The following UBE2M variants were observed in gnomAD, a reference collection of about 807,000 sequenced individuals.
The protein encoded by UBE2M is NEDD8-conjugating enzyme Ubc12.
A neutral mutation model predicts 23.5 loss-of-function variants in UBE2M; 2 were observed. The observed-to-expected ratio is 0.09, with a 90% CI of 0.03 to 0.27. The LOEUF (loss-of-function observed/expected upper bound fraction) is 0.27, where lower values mean the gene tolerates loss of function less well. Ranked by LOEUF, UBE2M falls within the 10% of genes least tolerant of loss-of-function variation. The probability of loss-of-function intolerance (pLI) is 1.00; values close to 1 mark genes in which losing one functional copy is unlikely to be tolerated. For synonymous variants in UBE2M, 97 were observed against 95.2 expected, an observed-to-expected ratio of 1.02 and a Z score of -0.11; for missense variants, 103 against 232.9, an observed-to-expected ratio of 0.44 and a Z score of 3.63.
rs761095537 is a variant in UBE2M at position 58,556,257 on chromosome 19, A to G, written c.412-28T>C. 1 of 1,613,824 alleles carries G rather than the reference A, an allele frequency of 6.2e-7. No individual in the cohort carries two copies. Among genetic ancestry groups the G allele is most frequent in the Non-Finnish European group, 8.5e-7 (1 of 1,179,758 alleles). ...GTGGCCAGTACAGGTAGGGGGGGTC[A>G]ACAGGCCAGAGGGACAGAAGGCCAA... On this transcript the variant is annotated intron_variant, in intron 5 of 5. Transcript: ENST00000253023. This position sits in a 1 kb window ranked among gnomAD's most constrained non-coding sequence, Gnocchi z 4.9.
In UBE2M at chr19:58,556,591, G is replaced by A; in HGVS notation, c.347+96C>T. 4.2e-6 allele frequency: 5 copies of A among 1,201,276 alleles called. No individual in the cohort carries two copies. The South Asian group carries it at 6.0e-5, about 14-fold the overall frequency. The allele number at this position is 1,201,276 out of a possible 1,614,324, so 74.4% of individuals were successfully genotyped here. A position where few individuals can be genotyped will look rare whatever the true frequency, so the allele number is the denominator to read the frequency against. On this transcript the variant is annotated intron_variant, in intron 4 of 5. Coordinates refer to ENST00000253023, the MANE Select transcript of UBE2M (RefSeq NM_003969.4). The surrounding 1 kb of genome is among the most constrained non-coding windows in gnomAD (Gnocchi z 4.9). ...TCAAGAAACCACAGACAACAAAGGG[G>A]TGGGAAGGGACAGAGTCTGATGTAG...
Position 58,556,558 on chromosome 19 carries a change from C to G in UBE2M, c.347+129G>C. The G allele has an allele frequency of 9.2e-7, 1 of 1,091,914 alleles. No homozygotes were observed. The highest frequency in any genetic ancestry group is 1.3e-6 in the Non-Finnish European group (1 of 767,092). 67.6% of individuals were successfully genotyped at this position (1,091,914 alleles called of 1,614,324 possible). ...CAAGGTCAGGCCATGAGGAAGATGA[C>G]TGGGAAATCAAGAAACCACAGACAA... On this transcript the variant is annotated intron_variant, in intron 4 of 5. Coordinates refer to ENST00000253023, the MANE Select transcript of UBE2M (RefSeq NM_003969.4). The surrounding 1 kb of genome is among the most constrained non-coding windows in gnomAD (Gnocchi z 4.9).
Position 58,558,249 on chromosome 19 carries a change from C to A in UBE2M, c.109+24G>T. On this transcript the variant is annotated intron_variant, in intron 1 of 5. Transcript: ENST00000253023. This position sits in a 1 kb window ranked among gnomAD's most constrained non-coding sequence, Gnocchi z 4.7. ...GGCCCTGACCTCCGACCTCCGGCTC[C>A]AACCCCATCCCCTGACCCCCTACCC... The A allele has an allele frequency of 6.3e-7, 1 of 1,595,826 alleles. No homozygotes were observed.
Position 58,558,126 on chromosome 19 carries a change from A to C in UBE2M, c.109+147T>G. The C allele has an allele frequency of 1.9e-6, 1 of 539,214 alleles. No homozygotes were observed. Among genetic ancestry groups the C allele is most frequent in the Non-Finnish European group, 3.2e-6 (1 of 316,360 alleles). 33.4% of individuals were successfully genotyped at this position (539,214 alleles called of 1,614,324 possible). On this transcript the variant is annotated intron_variant, in intron 1 of 5. Coordinates refer to ENST00000253023, the MANE Select transcript of UBE2M (RefSeq NM_003969.4). This position sits in a 1 kb window ranked among gnomAD's most constrained non-coding sequence, Gnocchi z 4.7. ...CCGTGACTGCATGATCCCAACCCTC[A>C]AGACTTGACCTCCGACCCCCCCCAC...
rs1333181455 is a variant in UBE2M, at chr19:58,556,982, C to T, written c.205-52G>A. 14 of 1,613,816 alleles carry T rather than the reference C, an allele frequency of 8.7e-6. No individual in the cohort carries two copies. Among genetic ancestry groups the T allele is most frequent in the Middle Eastern group, 1.7e-4 (1 of 6,060 alleles). On this transcript the variant is annotated intron_variant, in intron 2 of 5. Coordinates refer to ENST00000253023, the MANE Select transcript of UBE2M (RefSeq NM_003969.4). The surrounding 1 kb of genome is among the most constrained non-coding windows in gnomAD (Gnocchi z 4.9). The stretch of plus-strand genomic sequence containing the variant: ...TTTTAGGGTTCCATCCTGTGGGGCC[C>T]GATGGGCAGAACATGTCTCCCTCCT...
At position 58,555,936 on chromosome 19, in the gene UBE2M, ATAAC is replaced by A; in HGVS notation, c.*149_*152del. ...ATCACATGGTGTTAAAAAAAAAAAA[ATAAC>A]TAGGGGCACGTGGCAGGAAGGGGAG... On this transcript the variant is annotated 3_prime_UTR_variant, in exon 6 of 6. Coordinates refer to ENST00000253023, the MANE Select transcript of UBE2M (RefSeq NM_003969.4). 4 of 1,085,172 alleles carry A rather than the reference ATAAC, an allele frequency of 3.7e-6. No individual in the cohort carries two copies. The highest frequency in any genetic ancestry group is 2.9e-5 in the Admixed American group (1 of 34,720). The allele number at this position is 1,085,172 out of a possible 1,614,324, so 67.2% of individuals were successfully genotyped here.
At position 58,556,536 on chromosome 19, in the gene UBE2M, G is replaced by C; in HGVS notation, c.347+151C>G. 1 of 1,063,346 alleles carries C rather than the reference G, an allele frequency of 9.4e-7. No individual in the cohort carries two copies. The highest frequency in any genetic ancestry group is 1.4e-6 in the Non-Finnish European group (1 of 740,516). The allele number at this position is 1,063,346 out of a possible 1,614,324, so 65.9% of individuals were successfully genotyped here. ...CAGGACAGGCCAAGGAGAAAACCAA[G>C]GTCAGGCCATGAGGAAGATGACTGG... On this transcript the variant is annotated intron_variant, in intron 4 of 5. Coordinates refer to ENST00000253023, the MANE Select transcript of UBE2M (RefSeq NM_003969.4). This position sits in a 1 kb window ranked among gnomAD's most constrained non-coding sequence, Gnocchi z 4.9.
chr19:58,556,631 T>C lies in UBE2M; in HGVS notation c.347+56A>G, dbSNP rs781428902. 7.7e-6 allele frequency: 11 copies of C among 1,435,992 alleles called. No homozygotes were observed. The highest frequency in any genetic ancestry group is 1.4e-5 in the African/African-American group (1 of 69,728). The allele number at this position is 1,435,992 out of a possible 1,614,324, so 89.0% of individuals were successfully genotyped here. ...GTCTGATGTAGTGCCCACAAGACCA[T>C]GAGGGAGGCCTGGCAGGCAGCGCTG... On this transcript the variant is annotated intron_variant, in intron 4 of 5. Coordinates refer to ENST00000253023, the MANE Select transcript of UBE2M (RefSeq NM_003969.4). This position sits in a 1 kb window ranked among gnomAD's most constrained non-coding sequence, Gnocchi z 4.9.
Position 58,557,060 on chromosome 19 carries a change from C to T in UBE2M, c.204+3G>A. 6.2e-7 allele frequency: 1 copy of T among 1,614,110 alleles called. No homozygotes were observed. Among genetic ancestry groups the T allele is most frequent in the Non-Finnish European group, 8.5e-7 (1 of 1,179,974 alleles). On this transcript the variant is annotated splice_donor_region_variant and intron_variant, in intron 2 of 5. Transcript: ENST00000253023. ...CTGGGAATTCAGCCATATGCACCCT[C>T]ACCTCATCAGGACAGATGACCAGCT...
Position 58,557,266 on chromosome 19 carries a change from G to A in UBE2M, c.110-109C>T, listed in dbSNP as rs538371309. ...GGTGTTTGTTAGCAGAGCCCCCATC[G>A]TCTCCTCCTGGACCCCCAGGCGCCT... is the stretch of plus-strand genomic sequence containing the variant. On this transcript the variant is annotated intron_variant, in intron 1 of 5. Coordinates refer to ENST00000253023, the MANE Select transcript of UBE2M (RefSeq NM_003969.4). 7.2e-6 allele frequency: 8 copies of A among 1,108,960 alleles called. No homozygotes were observed. The African/African-American group carries it at 1.1e-4, about 15-fold the overall frequency. The allele number at this position is 1,108,960 out of a possible 1,614,324, so 68.7% of individuals were successfully genotyped here. A position where few individuals can be genotyped will look rare whatever the true frequency, so the allele number is the denominator to read the frequency against.
Position 58,556,081 on chromosome 19 carries a change from C to T in UBE2M, c.*8G>A, listed in dbSNP as rs750771059. On this transcript the variant is annotated 3_prime_UTR_variant, in exon 6 of 6. Coordinates refer to ENST00000253023, the MANE Select transcript of UBE2M (RefSeq NM_003969.4). The surrounding 1 kb of genome is among the most constrained non-coding windows in gnomAD (Gnocchi z 4.9). ...TGTGGCCGTGGCGGGGGTGGGTATG[C>T]GCCAACCCTATTTCAGGCAGCGCTC... The T allele has an allele frequency of 3.0e-5, 48 of 1,601,816 alleles. No individual in the cohort carries two copies. The South Asian group carries it at 4.3e-4, about 14-fold the overall frequency.
Position 58,556,382 on chromosome 19 carries a change from G to A in UBE2M, c.348-3C>T, listed in dbSNP as rs2053890778. 6.2e-7 allele frequency: 1 copy of A among 1,613,730 alleles called. No individual in the cohort carries two copies. The highest frequency in any genetic ancestry group is 8.5e-7 in the Non-Finnish European group (1 of 1,179,980). On this transcript the variant is annotated splice_region_variant and splice_polypyrimidine_tract_variant and intron_variant, in intron 4 of 5. Coordinates refer to ENST00000253023, the MANE Select transcript of UBE2M (RefSeq NM_003969.4). The surrounding 1 kb of genome is among the most constrained non-coding windows in gnomAD (Gnocchi z 4.9). ...TAAGGACTGGCTTCCAGTCCTCTCT[G>A]TGGACAGAGAGCATCAGGGTCAGGG...
intron 1 of UBE2M, among the ~76,000 whole-genome samples, 192 bp from the exon 2 acceptor site, chr19:58,557,349 T>C (rs1456025548): frequency 6.6e-6 from 1 of 151,902 alleles, no homozygotes; most frequent in Non-Finnish European, 1.5e-5. Flanking sequence ...TTGGCTCTTG[T>C]GGATACACAG....
rs764404023 is a variant in UBE2M at position 58,556,850 on chromosome 19, C to T, written c.243+42G>A. ...TGCCTGGAAGGGCCTCAGCTGCTGC[C>T]TCCTCTGTCCAGGGAGCCATCCCTG... On this transcript the variant is annotated intron_variant, in intron 3 of 5. Transcript: ENST00000253023. The surrounding 1 kb of genome is among the most constrained non-coding windows in gnomAD (Gnocchi z 4.9). The T allele has an allele frequency of 3.7e-5, 60 of 1,613,732 alleles. 2 individuals carry two copies. The South Asian group carries it at 6.6e-4, about 18-fold the overall frequency.
chr19:58,557,741 C>T (rs2053901917), intron 1 of UBE2M, among the ~76,000 whole-genome samples: 1 of 150,428 alleles, frequency 6.6e-6, no homozygotes, highest in African/African-American at 2.5e-5. Context: ...ATCCCTGGTA[C>T]TCATTAACCT....
intron 1 of UBE2M, 117 bp from the exon 2 acceptor site, chr19:58,557,274 C>T: frequency 1.9e-6 from 2 of 1,042,344 alleles, no homozygotes; most frequent in East Asian, 2.4e-5. Context: ...TCGTCTCCTC[C>T]TGGACCCCCA....
chr19:58,558,488 G>A lies in UBE2M; in HGVS notation c.-107C>T. On this transcript the variant is annotated 5_prime_UTR_variant, in exon 1 of 6. Coordinates refer to ENST00000253023, the MANE Select transcript of UBE2M (RefSeq NM_003969.4). The surrounding 1 kb of genome is among the most constrained non-coding windows in gnomAD (Gnocchi z 4.7). ...TCCGCTCCTCGGACCCGCAGCTGCG[G>A]CCTCCTCCGCTGCTGCCGCCACCCG... 2.2e-6 allele frequency: 1 copy of A among 461,618 alleles called. No individual in the cohort carries two copies. The highest frequency in any genetic ancestry group is 2.8e-6 in the Non-Finnish European group (1 of 352,376). The allele number at this position is 461,618 out of a possible 1,614,324, so 28.6% of individuals were successfully genotyped here.
chr19:58,558,434 C>T lies in UBE2M; in HGVS notation c.-53G>A. 1 of 954,088 alleles carries T rather than the reference C, an allele frequency of 1.0e-6. No individual in the cohort carries two copies. The highest frequency in any genetic ancestry group is 1.2e-6 in the Non-Finnish European group (1 of 800,556). The allele number at this position is 954,088 out of a possible 1,614,324, so 59.1% of individuals were successfully genotyped here. On this transcript the variant is annotated 5_prime_UTR_variant, in exon 1 of 6. The change creates a new upstream start codon in the 5' untranslated region. Transcript: ENST00000253023. The surrounding 1 kb of genome is among the most constrained non-coding windows in gnomAD (Gnocchi z 4.7). ...GCCGCGGGGCCCGGGACCCCGGCCACCCGGCCCCCCGCCGCCGCCCGCGTC... is the reference window on the plus strand; with the variant it reads ...GCCGCGGGGCCCGGGACCCCGGCCATCCGGCCCCCCGCCGCCGCCCGCGTC...
rs911525201 is a variant in UBE2M at position 58,557,057 on chromosome 19, C to A, written c.204+6G>T. ...CTCCTGGGAATTCAGCCATATGCAC[C>A]CTCACCTCATCAGGACAGATGACCA... On this transcript the variant is annotated splice_donor_region_variant and intron_variant, in intron 2 of 5. Coordinates refer to ENST00000253023, the MANE Select transcript of UBE2M (RefSeq NM_003969.4). 10 of 1,613,950 alleles carry A rather than the reference C, an allele frequency of 6.2e-6. No individual in the cohort carries two copies. The highest frequency in any genetic ancestry group is 8.5e-6 in the Non-Finnish European group (10 of 1,179,968).
Sources: allele counts gnomAD v4.1 joint callset (sites outside exome capture counted in the v4.1 genomes callset), GRCh38; gene constraint gnomAD v4.1.1; non-coding constraint Gnocchi (gnomAD v3.1); transcripts MANE v1.5; gene names NCBI Gene and HGNC (gene_info 2026-07-23, HGNC 2026-07-21).